Variants in CTNNA2 observed in about 807,000 individuals in gnomAD.
CTNNA2 encodes catenin alpha-2.
Under a neutral mutation model 101.0 loss-of-function variants are expected in CTNNA2, and 42 were observed. The ratio of observed to expected loss-of-function variants is 0.42; its 90% CI spans 0.32 to 0.54. The LOEUF (loss-of-function observed/expected upper bound fraction) is 0.54, where lower values mean the gene tolerates loss of function less well. CTNNA2 is among the 20% of genes least tolerant of loss of function. The pLI, the probability that CTNNA2 is intolerant of heterozygous loss-of-function variation, is 0.14. For missense variants in CTNNA2, 871 were observed against 1,223.1 expected (o/e 0.71, Z 4.29); for synonymous variants, 450 against 456.4 (o/e 0.99, Z 0.18).
At chr2:79,230,563 G>A (rs1674476736) in intron 2 of CTNNA2, among the ~76,000 whole-genome samples, 2 of 152,254 alleles carry the variant, frequency 1.3e-5, no homozygotes, top group Admixed American at 6.5e-5. Flanking sequence ...TGCTATGGCA[G>A]TGCGGAAGGG....
At chr2:80,124,533 A>G (rs978332378) in intron 7 of CTNNA2, among the ~76,000 whole-genome samples, 1 of 152,148 alleles carries the variant, frequency 6.6e-6, no homozygotes, top group African/African-American at 2.4e-5. Flanking sequence ...CTATTAGAAT[A>G]TATCCTCATT....
In CTNNA2 at chr2:80,574,297, G is replaced by A. The variant is rs375218627; in HGVS notation, c.1876G>A (p.Ala626Thr). The A allele has an allele frequency of 1.2e-6, 2 of 1,612,374 alleles. No homozygotes were observed. The highest frequency in any genetic ancestry group is 1.7e-6 in the Non-Finnish European group (2 of 1,178,832). ...VYDGVRDIRK[A>T]VLMIRTPEEL... ...TGATGGCGTTCGGGACATCAGAAAG[G>A]CTGTGCTGATGATCAGGGTATGTGA... is the stretch of plus-strand genomic sequence containing the variant. Residue 626 changes from alanine to threonine, a missense_variant, in exon 13 of 19, where the codon GCT becomes ACT. Transcript: ENST00000402739.
chr2:79,777,546 C>T (rs2105180026), intron 3 of CTNNA2, among the ~76,000 whole-genome samples: 1 of 152,196 alleles, frequency 6.6e-6, no homozygotes, highest in South Asian at 2.1e-4. Flanking sequence ...GGAGTGCTCC[C>T]AAGGCCCACT....
intron 7 of CTNNA2, among the ~76,000 whole-genome samples, chr2:79,965,139 GA>G (rs2104547661): frequency 6.6e-6 from 1 of 152,238 alleles, no homozygotes; most frequent in South Asian, 2.1e-4. Context: ...GTCTGTTCAG[GA>G]TTTTATGGCA....
intron 4 of CTNNA2, among the ~76,000 whole-genome samples, chr2:79,488,179 G>A (rs563496060): frequency 1.4e-4 from 21 of 152,092 alleles, no homozygotes; most frequent in Admixed American, 2.6e-4. Context: ...TTAGCTGACC[G>A]TGGTGGCGCA....
At chr2:79,406,351 T>C (rs190476417) in intron 4 of CTNNA2, among the ~76,000 whole-genome samples, 8 of 152,178 alleles carry the variant, frequency 5.3e-5, no homozygotes, top group African/African-American at 1.2e-4. Context: ...CAACTCAACA[T>C]GCAGGGCAAC....
chr2:80,569,633 G>GTTTTTTGT (rs1553392642), intron 12 of CTNNA2, among the ~76,000 whole-genome samples: 569 of 51,744 alleles, frequency 0.011, 29 homozygotes, highest in African/African-American at 0.034. Context: ...GGGTATTTAG[G>GTTTTTTGT]TTTTTTTTTT....
chr2:79,990,195 G>A (rs1692069329), intron 7 of CTNNA2, among the ~76,000 whole-genome samples: 1 of 152,166 alleles, frequency 6.6e-6, no homozygotes, highest in Non-Finnish European at 1.5e-5. Context: ...GGAGAACTCA[G>A]GAAGCAGCGC....
intron 7 of CTNNA2, among the ~76,000 whole-genome samples, chr2:80,081,839 T>C (rs1699174172): frequency 6.6e-6 from 1 of 152,006 alleles, no homozygotes; most frequent in Non-Finnish European, 1.5e-5. Context: ...CATAGCCAAG[T>C]ATCCTGTATA....
chr2:80,089,177 G>C (rs1208952245), intron 7 of CTNNA2, among the ~76,000 whole-genome samples: 1 of 151,970 alleles, frequency 6.6e-6, no homozygotes, highest in Non-Finnish European at 1.5e-5. Context: ...CCTGGTGGGG[G>C]CTTCCTGTAA....
intron 3 of CTNNA2, among the ~76,000 whole-genome samples, chr2:79,801,959 T>A (rs1676192691): frequency 7.6e-6 from 1 of 131,586 alleles, no homozygotes; most frequent in African/African-American, 3.0e-5. Context: ...GCCATTGCAC[T>A]CTAGCCTGGG....
intron 2 of CTNNA2, among the ~76,000 whole-genome samples, chr2:79,665,153 A>G (rs182185041): frequency 2.2e-4 from 34 of 152,248 alleles, no homozygotes; most frequent in African/African-American, 8.2e-4. Flanking sequence ...CAAGTGTATG[A>G]AAATTTTCTC....
chr2:79,672,198 C>T (rs1349416788), intron 2 of CTNNA2, among the ~76,000 whole-genome samples: 2 of 152,120 alleles, frequency 1.3e-5, no homozygotes, highest in African/African-American at 4.8e-5. Context: ...ATCCCTGGCC[C>T]CTGCGTTGGG....
rs550878283 is a variant in CTNNA2, at chr2:80,636,930, G to C, written c.2575-10655G>C. Among the ~76,000 whole-genome samples the C allele has an allele frequency of 2.6e-5, 4 of 152,228 alleles. No individual in the cohort carries two copies. The East Asian group carries it at 5.8e-4, about 22-fold the overall frequency. ...TTTATTCCATCTAAAGGATTCAGTA[G>C]TGCTAGAAAAGATACATAAGTGTTG... On this transcript the variant is annotated intron_variant, in intron 18 of 18. Transcript: ENST00000402739.
chr2:80,212,852 T>C (rs1418263162), intron 7 of CTNNA2, among the ~76,000 whole-genome samples: 1 of 152,188 alleles, frequency 6.6e-6, no homozygotes, highest in African/African-American at 2.4e-5. Context: ...CTGGAATTTT[T>C]TTGGTTGGTA....
chr2:79,280,657 A>AGAGAG (rs1334847406), intron 2 of CTNNA2, among the ~76,000 whole-genome samples: 16 of 50,230 alleles, frequency 3.2e-4, no homozygotes, highest in South Asian at 2.5e-3. Context: ...GTGTGTGTGT[A>AGAGAG]AGAGAAAGAG....
At chr2:80,607,067 A>G (rs1200809450) in intron 16 of CTNNA2, among the ~76,000 whole-genome samples, 1 of 151,890 alleles carries the variant, frequency 6.6e-6, no homozygotes, top group Non-Finnish European at 1.5e-5. Context: ...TCCCTTTATC[A>G]TTTATTCAGT....
chr2:80,136,088 C>T (rs1702678636), intron 7 of CTNNA2, among the ~76,000 whole-genome samples: 3 of 152,194 alleles, frequency 2.0e-5, no homozygotes, highest in South Asian at 2.1e-4. Context: ...ACAATGACAA[C>T]GTGATTCTTG....
intron 15 of CTNNA2, among the ~76,000 whole-genome samples, chr2:80,600,337 C>A (rs1277174440): frequency 2.0e-5 from 3 of 151,736 alleles, no homozygotes; most frequent in South Asian, 2.1e-4. Flanking sequence ...AAAGCACAAA[C>A]AGTAGTGTAA....
Sources: gnomAD v4.1 joint callset for allele counts (sites outside exome capture counted in the v4.1 genomes callset) on GRCh38, gnomAD v4.1.1 for gene constraint, MANE v1.5 for transcripts, NCBI Gene and HGNC (gene_info 2026-07-23, HGNC 2026-07-21) for gene names.